The following SPECC1L variants were observed in gnomAD, a reference collection of about 807,000 sequenced individuals.
The protein encoded by SPECC1L is sperm antigen with calponin homology and coiled-coil domains 1 like, also known as cytospin-A.
In SPECC1L, 40 loss-of-function variants were observed where a neutral mutation model predicts 116.8. The ratio of observed to expected loss-of-function variants is 0.34; its 90% confidence interval spans 0.27 to 0.45. The LOEUF is 0.45. Among genes scored for constraint, SPECC1L ranks in the 20% least tolerant of loss-of-function variants. The probability of loss-of-function intolerance (pLI) is 1.00; values close to 1 mark genes in which losing one functional copy is unlikely to be tolerated. For missense variants in SPECC1L, 1,110 were observed against 1,373.6 expected, an observed-to-expected ratio of 0.81 and a Z score of 3.03; for synonymous variants, 504 against 500.6, an observed-to-expected ratio of 1.01 and a Z score of -0.09.
At chr22:24,359,714 CAG>C (rs2041605661) in intron 11 of SPECC1L, among the ~76,000 whole-genome samples, 2 of 152,208 alleles carry the variant, frequency 1.3e-5, no homozygotes, top group African/African-American at 2.4e-5. Context: ...AACATCACCA[CAG>C]TGTCCTAGAT....
chr22:24,375,038 T>C (rs2146670835), intron 14 of SPECC1L, among the ~76,000 whole-genome samples: 1 of 152,206 alleles, frequency 6.6e-6, no homozygotes. Flanking sequence ...AGGATTAAAA[T>C]GGAATACTGT....
intron 9 of SPECC1L, among the ~76,000 whole-genome samples, chr22:24,336,083 A>T (rs1285022900): frequency 6.6e-6 from 1 of 152,166 alleles, no homozygotes; most frequent in South Asian, 2.1e-4. Context: ...AAGAATTAAG[A>T]CAGTTATGAC....
chr22:24,352,024 G>GT lies in SPECC1L; in HGVS notation c.2743+4859dup, dbSNP rs201804492. Among the ~76,000 whole-genome samples, 1,291 of 147,798 alleles carry GT rather than the reference G, an allele frequency of 8.7e-3. 69 individuals carry two copies. The South Asian group carries it at 0.12, about 14-fold the overall frequency. ...AGATGCTGCCTCTTGCTCTACAATA[G>GT]TTTTTTTTTTTAAATCTATTATCCT... On this transcript the variant is annotated intron_variant, in intron 11 of 16. Coordinates refer to ENST00000314328, the MANE Select transcript of SPECC1L (RefSeq NM_015330.6).
At chr22:24,310,535 G>T (rs2040442225) in intron 3 of SPECC1L, among the ~76,000 whole-genome samples, 1 of 152,178 alleles carries the variant, frequency 6.6e-6, no homozygotes, top group African/African-American at 2.4e-5. Context: ...TTACCAATCT[G>T]TTAAGTGACA....
At chr22:24,389,855 A>G (rs1020333306) in intron 14 of SPECC1L, among the ~76,000 whole-genome samples, 3 of 152,162 alleles carry the variant, frequency 2.0e-5, no homozygotes, top group African/African-American at 7.2e-5. Flanking sequence ...CAACCCAGGC[A>G]TGAGATTAGC....
chr22:24,412,980 A>C (rs529290252), intron 16 of SPECC1L, among the ~76,000 whole-genome samples: 16 of 152,300 alleles, frequency 1.1e-4, no homozygotes, highest in African/African-American at 3.6e-4. Context: ...GGCCCAGCCA[A>C]CCTTCCCTGG....
At chr22:24,316,703 C>T (rs1312494329) in intron 4 of SPECC1L, among the ~76,000 whole-genome samples, 4 of 149,562 alleles carry the variant, frequency 2.7e-5, no homozygotes, top group African/African-American at 1.0e-4. Flanking sequence ...CGGCAACCAT[C>T]CGATTTCTCA....
chr22:24,365,525 G>A lies in SPECC1L; in HGVS notation c.2877G>A (p.Glu959=), dbSNP rs775346480. 27 of 1,613,980 alleles carry A rather than the reference G, an allele frequency of 1.7e-5. No homozygotes were observed. The East Asian group carries it at 2.0e-4, about 12-fold the overall frequency. The part of the protein sequence containing the change: ...EEVKRDISAQ[E]GASPASLMAM... ...TGAAACGGGACATTTCTGCACAGGA[G>A]GGAGCGTCGCCAGCCTCTCTGATGG... The change falls in exon 13 of 17, where the codon GAG becomes GAA. Residue 959 remains glutamate, a synonymous_variant. Transcript: ENST00000314328.
chr22:24,339,901 C>T (rs2041137739), intron 10 of SPECC1L, among the ~76,000 whole-genome samples: 1 of 152,098 alleles, frequency 6.6e-6, no homozygotes, highest in Non-Finnish European at 1.5e-5. Flanking sequence ...CCTCCCACCT[C>T]AGCCTCCCAA....
chr22:24,366,895 G>A (rs1315186255), intron 13 of SPECC1L, among the ~76,000 whole-genome samples: 2 of 152,086 alleles, frequency 1.3e-5, no homozygotes, highest in Non-Finnish European at 2.9e-5. Context: ...CAAGCATTAA[G>A]AATAATTAAA....
chr22:24,406,735 TC>T (rs757644120), intron 14 of SPECC1L, among the ~76,000 whole-genome samples: 39 of 152,318 alleles, frequency 2.6e-4, no homozygotes, highest in Non-Finnish European at 5.0e-4. Flanking sequence ...AAGATACTGA[TC>T]CCGTCATAAT....
rs766330796 is a variant in SPECC1L at position 24,334,425 on chromosome 22, A to G, written c.2412A>G (p.Arg804=). ...EIKSRKQEEE[R]GRVYNYMNAV... is the part of the protein sequence containing the mutation. ...TTATTTTCAGGCAAGAGGAGGAGCGAGGCCGGGTATACAATTACATGAATG... is the reference window on the plus strand; with the variant it reads ...TTATTTTCAGGCAAGAGGAGGAGCGGGGCCGGGTATACAATTACATGAATG... The change falls in exon 9 of 17, where the codon CGA becomes CGG. Residue 804 remains arginine, a synonymous_variant. Coordinates refer to ENST00000314328, the MANE Select transcript of SPECC1L (RefSeq NM_015330.6). 3 of 1,614,186 alleles carry G rather than the reference A, an allele frequency of 1.9e-6. No individual in the cohort carries two copies. The highest frequency in any genetic ancestry group is 4.5e-5 in the East Asian group (2 of 44,874).
At chr22:24,343,496 T>G in intron 10 of SPECC1L, 1 of 447,898 alleles carries the variant, frequency 2.2e-6, no homozygotes, top group South Asian at 1.6e-5. Flanking sequence ...AGTCTAGTTC[T>G]GTCGCCCACG....
chr22:24,309,872 A>G (rs1215740483), intron 3 of SPECC1L, among the ~76,000 whole-genome samples: 1 of 151,876 alleles, frequency 6.6e-6, no homozygotes, highest in East Asian at 1.9e-4. Context: ...TTTAAATTTT[A>G]TTTATTTGTT....
chr22:24,322,066 G>A lies in SPECC1L; in HGVS notation c.1086G>A (p.Ala362=), dbSNP rs200935130. ...VYQPLTSSDD[A]LDAPSSSESE... Reference sequence around the variant, plus strand: ...AGCCCCTCACATCGAGCGATGATGCGCTGGATGCACCATCCTCCTCAGAGT... The same window carrying A: ...AGCCCCTCACATCGAGCGATGATGCACTGGATGCACCATCCTCCTCAGAGT... The change falls in exon 5 of 17, where the codon GCG becomes GCA. Residue 362 remains alanine (A), a synonymous_variant. Coordinates refer to ENST00000314328, the MANE Select transcript of SPECC1L (RefSeq NM_015330.6). 38 of 1,614,118 alleles carry A rather than the reference G, an allele frequency of 2.4e-5. No individual in the cohort carries two copies. Among genetic ancestry groups the A allele is most frequent in the African/African-American group, 1.1e-4 (8 of 75,042 alleles).
intron 2 of SPECC1L, among the ~76,000 whole-genome samples, chr22:24,278,872 T>G (rs975190141): frequency 2.8e-4 from 43 of 152,322 alleles, no homozygotes; most frequent in Non-Finnish European, 5.4e-4. Context: ...TTAATGTGGA[T>G]CTGGAGTTTT....
intron 8 of SPECC1L, among the ~76,000 whole-genome samples, chr22:24,332,085 A>G (rs887022734): frequency 7.2e-5 from 11 of 152,204 alleles, no homozygotes; most frequent in African/African-American, 2.7e-4. Context: ...TGAGAATGAC[A>G]GACAAACTGT....
chr22:24,329,878 A>G (rs1396723977), intron 7 of SPECC1L, among the ~76,000 whole-genome samples: 2 of 151,404 alleles, frequency 1.3e-5, no homozygotes, highest in Admixed American at 6.6e-5. Flanking sequence ...TACCATTTAT[A>G]TACCTTTTTG....
intron 6 of SPECC1L, among the ~76,000 whole-genome samples, 157 bp downstream of exon 6, chr22:24,324,584 C>T (rs754970880): frequency 7.2e-5 from 11 of 152,172 alleles, no homozygotes; most frequent in Non-Finnish European, 1.3e-4. Context: ...GGCACAGTGG[C>T]TCACACCTGT....
Sources: allele counts gnomAD v4.1 joint callset (sites outside exome capture counted in the v4.1 genomes callset), GRCh38; gene constraint gnomAD v4.1.1; transcripts MANE v1.5; gene names NCBI Gene and HGNC (gene_info 2026-07-23, HGNC 2026-07-21).